Variants in ERI1 observed in about 807,000 individuals in gnomAD.
ERI1 encodes 3'-5' exoribonuclease 1.
ERI1 carries 39 observed loss-of-function variants against 39.7 expected under a neutral mutation model. The observed-to-expected ratio is 0.98, with a 90% CI of 0.76 to 1.28. The LOEUF is 1.28. Ranked by LOEUF, ERI1 falls within the 50% of genes most tolerant of loss-of-function variation. The pLI, the probability that ERI1 is intolerant of heterozygous loss-of-function variation, is 0.00. For synonymous variants in ERI1, 204 were observed against 149.6 expected (o/e 1.36, Z -2.65); for missense variants, 581 against 416.9 (o/e 1.39, Z -3.43).
At chr8:9,027,756 C>T (rs547947826) in intron 6 of ERI1, among the ~76,000 whole-genome samples, 16 of 152,216 alleles carry the variant, frequency 1.1e-4, no homozygotes, top group Admixed American at 7.2e-4. Context: ...CCCATTGATT[C>T]AATGTATTTG....
Position 9,008,060 on chromosome 8 carries a change from A to G in ERI1, c.199A>G (p.Lys67Glu), listed in dbSNP as rs1044216501. The G allele has an allele frequency of 6.2e-7, 1 of 1,612,386 alleles. No homozygotes were observed. The highest frequency in any genetic ancestry group is 8.5e-7 in the Non-Finnish European group (1 of 1,179,580). The change falls in exon 2 of 7, where the codon AAA becomes GAA. Residue 67 changes from lysine (K) to glutamate (E), a missense_variant. Physicochemically the swap from Lys to Glu is moderately conservative, Grantham distance 56. Transcript: ENST00000250263. Reference protein sequence around the residue: ...SASDFSDPVYKEIAITNGCIN... With the variant: ...SASDFSDPVYEEIAITNGCIN... ...GAGTGACTTCAGTGACCCGGTTTAC[A>G]AAGAGATTGCCATTACGAATGGCTG...
intron 4 of ERI1, among the ~76,000 whole-genome samples, chr8:9,017,513 C>T (rs1257186492): frequency 6.6e-6 from 1 of 152,098 alleles, no homozygotes; most frequent in African/African-American, 2.4e-5. Context: ...GCAGTGGTCA[C>T]AGTAGGCCTA....
rs1490926392 is a variant in ERI1 at position 9,008,010 on chromosome 8, G to A, written c.149G>A (p.Gly50Glu). ...QCKFDGQETK[G>E]SKFITSSASD... ...AAATTTGATGGCCAGGAGACAAAAG[G>A]ATCCAAGTTCATTACCTCCAGTGCG... Residue 50 changes from glycine (G) to glutamate (E), a missense_variant, in exon 2 of 7, where the codon GGA (glycine) becomes GAA (glutamate). Physicochemically the swap from Gly to Glu is moderately conservative, Grantham distance 98 (BLOSUM62 -2). Coordinates refer to ENST00000250263, the MANE Select transcript of ERI1 (RefSeq NM_153332.4). 1.3e-6 allele frequency: 2 copies of A among 1,570,106 alleles called. No homozygotes were observed. The highest frequency in any genetic ancestry group is 1.1e-5 in the South Asian group (1 of 89,210).
intron 2 of ERI1, among the ~76,000 whole-genome samples, chr8:9,008,449 T>C (rs1258715809): frequency 6.6e-6 from 1 of 152,216 alleles, no homozygotes; most frequent in African/African-American, 2.4e-5. Flanking sequence ...ATTTAAATGA[T>C]GGATAGTTAT....
At chr8:9,009,251 T>C in intron 2 of ERI1, 1 of 344,818 alleles carries the variant, frequency 2.9e-6, no homozygotes, top group Non-Finnish European at 5.7e-6. Context: ...ATCTCAGTCT[T>C]TTGGGAAAAC....
intron 3 of ERI1, among the ~76,000 whole-genome samples, chr8:9,074,442 A>G (rs1275608941): frequency 6.6e-6 from 1 of 151,568 alleles, no homozygotes; most frequent in Non-Finnish European, 1.5e-5. Context: ...TTAAATTTAA[A>G]TTTAAGTTTT....
At chr8:9,038,180 A>G (rs1378605900), downstream of ERI1, among the ~76,000 whole-genome samples, 1 of 152,182 alleles carries the variant, frequency 6.6e-6, no homozygotes, top group Non-Finnish European at 1.5e-5. Flanking sequence ...GAAAATACAT[A>G]AAGGCTTTTA....
chr8:9,011,488 G>T, intron 2 of ERI1, 54 bp from the exon 3 acceptor site: 1 of 1,277,236 alleles, frequency 7.8e-7, no homozygotes. Context: ...TGAGAGTTTT[G>T]ATTCTTGACT....
chr8:9,085,099 A>G (rs928313946), intron 3 of ERI1, among the ~76,000 whole-genome samples: 3 of 152,064 alleles, frequency 2.0e-5, no homozygotes, highest in East Asian at 1.9e-4. Flanking sequence ...GGGCCTACCA[A>G]TCTGCTTTGT....
chr8:9,093,618 C>G (rs866211845), intron 3 of ERI1, among the ~76,000 whole-genome samples: 3 of 152,176 alleles, frequency 2.0e-5, no homozygotes, highest in Middle Eastern at 3.4e-3. Context: ...CCCAGGCTGG[C>G]GTGCAGTGGT....
chr8:9,008,260 C>T (rs1215893665), intron 2 of ERI1, 112 bp downstream of exon 2: 2 of 949,406 alleles, frequency 2.1e-6, no homozygotes, highest in Non-Finnish European at 3.0e-6. Flanking sequence ...ATGACATGAT[C>T]CTATTAACAG....
chr8:9,087,592 A>C (rs7009435), intron 3 of ERI1, among the ~76,000 whole-genome samples: 80,339 of 151,928 alleles, frequency 0.53, 22,742 homozygotes, highest in African/African-American at 0.7. Context: ...TTATTTTTAT[A>C]CAGTGATCAT....
intron 3 of ERI1, among the ~76,000 whole-genome samples, chr8:9,081,463 A>AT (rs1026785978): frequency 1.3e-5 from 2 of 152,078 alleles, no homozygotes; most frequent in South Asian, 2.1e-4. Flanking sequence ...ATAAATTATT[A>AT]TTTTTTTAAA....
At chr8:9,009,845 T>C (rs1396836193) in intron 2 of ERI1, among the ~76,000 whole-genome samples, 2 of 152,210 alleles carry the variant, frequency 1.3e-5, no homozygotes, top group South Asian at 2.1e-4. Context: ...CCATGGCTTA[T>C]AGTATATTTT....
intron 3 of ERI1, among the ~76,000 whole-genome samples, chr8:9,066,932 C>T (rs1798898025): frequency 6.6e-6 from 1 of 152,104 alleles, no homozygotes; most frequent in African/African-American, 2.4e-5. Flanking sequence ...CGGTGACAGT[C>T]GTTCCAGCTA....
At chr8:9,056,380 G>A (rs552635741) in intron 3 of ERI1, among the ~76,000 whole-genome samples, 20 of 152,320 alleles carry the variant, frequency 1.3e-4, no homozygotes, top group Non-Finnish European at 2.1e-4. Context: ...ACTTGCCCAC[G>A]TTGTTAAACT....
intron 3 of ERI1, among the ~76,000 whole-genome samples, chr8:9,054,800 C>T (rs1429085125): frequency 1.3e-5 from 2 of 152,210 alleles, no homozygotes; most frequent in East Asian, 1.9e-4. Context: ...TGGCGGCAGG[C>T]ACCTGTAATC....
intron 3 of ERI1, among the ~76,000 whole-genome samples, chr8:9,058,823 TAAAC>T (rs931918297): frequency 6.0e-5 from 9 of 148,998 alleles, no homozygotes; most frequent in Non-Finnish European, 8.9e-5. Flanking sequence ...AATAAATAAA[TAAAC>T]AGCAACTTCA....
intron 1 of ERI1, chr8:9,004,099 G>T (rs2117162736): frequency 1.6e-6 from 2 of 1,289,142 alleles, no homozygotes; most frequent in South Asian, 2.5e-5. Context: ...TGTGTTCTTT[G>T]ACATTGGAAA....
Sources: gnomAD v4.1 joint callset for allele counts (sites outside exome capture counted in the v4.1 genomes callset) on GRCh38, gnomAD v4.1.1 for gene constraint, MANE v1.5 for transcripts, NCBI Gene and HGNC (gene_info 2026-07-23, HGNC 2026-07-21) for gene names.